RYR2: variants seen among roughly 807,000 people sequenced by gnomAD.
The protein encoded by RYR2 is cardiac muscle ryanodine receptor-calcium release channel.
A neutral mutation model predicts 601.1 loss-of-function variants in RYR2; 227 were observed. That is an observed-to-expected ratio of 0.38 (90% CI 0.34 to 0.42). The LOEUF (loss-of-function observed/expected upper bound fraction) is 0.42, where lower values mean the gene tolerates loss of function less well. Ranked by LOEUF, RYR2 falls within the 10% of genes least tolerant of loss-of-function variation. The pLI is 1.00. For missense variants in RYR2, 4,646 were observed against 6,156.5 expected (o/e 0.75, Z 8.21); for synonymous variants, 2,223 against 2,175.1 (o/e 1.02, Z -0.61).
At chr1:237,530,982 G>A (rs1486565302) in intron 25 of RYR2, among the ~76,000 whole-genome samples, 1 of 152,074 alleles carries the variant, frequency 6.6e-6, no homozygotes, top group Non-Finnish European at 1.5e-5. Context: ...AGTATCTGGT[G>A]AAACAATAGT....
chr1:237,298,925 A>G (rs1445008586), intron 2 of RYR2, among the ~76,000 whole-genome samples: 1 of 152,124 alleles, frequency 6.6e-6, no homozygotes, highest in East Asian at 1.9e-4. Flanking sequence ...CCTTGAGCCC[A>G]GGAATTTGAA....
At chr1:237,057,089 G>A (rs1359444772) in intron 1 of RYR2, among the ~76,000 whole-genome samples, 1 of 152,186 alleles carries the variant, frequency 6.6e-6, no homozygotes, top group Non-Finnish European at 1.5e-5. Context: ...CAGATTGGAG[G>A]CCACTGGTGT....
chr1:237,531,680 C>G (rs1668152742), intron 25 of RYR2, among the ~76,000 whole-genome samples: 1 of 152,124 alleles, frequency 6.6e-6, no homozygotes, highest in Non-Finnish European at 1.5e-5. Context: ...CTCAGGTGCT[C>G]CATAAGTGAG....
intron 101 of RYR2, among the ~76,000 whole-genome samples, chr1:237,822,616 A>T (rs1662638920): frequency 6.6e-6 from 1 of 152,218 alleles, no homozygotes; most frequent in Non-Finnish European, 1.5e-5. Context: ...AAGAAACTGC[A>T]TCAACTAATG....
Position 237,493,013 on chromosome 1 carries a change from G to A in RYR2, c.1887G>A (p.Gln629=), listed in dbSNP as rs1414244283. 2 of 1,611,874 alleles carry A rather than the reference G, an allele frequency of 1.2e-6. No homozygotes were observed. Among genetic ancestry groups the A allele is most frequent in the Admixed American group, 1.7e-5 (1 of 59,730 alleles). ...ACGGGGTTGCAGTCCGTTCTAACCA[G>A]CATCTCATCTGTGACAATCTCCTAC... is the stretch of plus-strand genomic sequence containing the variant. ...VCHGVAVRSN[Q]HLICDNLLPG... is the part of the protein sequence containing the mutation. Residue 629 remains glutamine (Q), a synonymous_variant, in exon 19 of 105, where the codon CAG becomes CAA. Coordinates refer to ENST00000366574, the MANE Select transcript of RYR2 (RefSeq NM_001035.3).
At chr1:237,359,781 A>T (rs998090889) in intron 4 of RYR2, among the ~76,000 whole-genome samples, 1 of 152,112 alleles carries the variant, frequency 6.6e-6, no homozygotes, top group Non-Finnish European at 1.5e-5. Context: ...TGCTCTTTAC[A>T]CTTTAAAAGA....
At chr1:237,617,185 GAA>G in intron 37 of RYR2, 99 bp from the exon 38 acceptor site, 1 of 1,072,150 alleles carries the variant, frequency 9.3e-7, no homozygotes, top group Non-Finnish European at 1.3e-6. Context: ...TTCTAAGAGA[GAA>G]GAGTAGGCAA....
chr1:237,724,105 T>C (rs916831241), intron 74 of RYR2, among the ~76,000 whole-genome samples: 1 of 151,118 alleles, frequency 6.6e-6, no homozygotes, highest in African/African-American at 2.4e-5. Context: ...GACTTGGTTA[T>C]TTTATACTAA....
At chr1:237,478,214 AG>A (rs1485700339) in intron 17 of RYR2, among the ~76,000 whole-genome samples, 22 of 152,224 alleles carry the variant, frequency 1.4e-4, no homozygotes, top group African/African-American at 5.1e-4. Context: ...TGCTATGTTT[AG>A]GAGAAGCAGA....
intron 79 of RYR2, among the ~76,000 whole-genome samples, chr1:237,734,983 A>G (rs1339721929): frequency 1.8e-4 from 28 of 152,180 alleles, no homozygotes. Flanking sequence ...CCTAGCCTGT[A>G]AGGACACAGA....
At chr1:237,256,222 C>T (rs558519749) in intron 1 of RYR2, among the ~76,000 whole-genome samples, 12 of 152,198 alleles carry the variant, frequency 7.9e-5, no homozygotes, top group East Asian at 7.7e-4. Flanking sequence ...TCTTGCCTGC[C>T]GCCGTGTAAG....
Position 237,498,438 on chromosome 1 carries a change from A to T in RYR2, c.2203+1686A>T, listed in dbSNP as rs115774171. On this transcript the variant is annotated intron_variant, in intron 20 of 104. Coordinates refer to ENST00000366574, the MANE Select transcript of RYR2 (RefSeq NM_001035.3). Reference sequence around the variant, plus strand: ...AAATAGGGCTAAAGTCCATGTTATAAAACATTTGAACTATAATCCTTTAGA... The same window carrying T: ...AAATAGGGCTAAAGTCCATGTTATATAACATTTGAACTATAATCCTTTAGA... Among the ~76,000 whole-genome samples the T allele has an allele frequency of 2.6e-3, 399 of 152,250 alleles. 1 individual carries two copies. The highest frequency in any genetic ancestry group is 9.1e-3 in the African/African-American group (378 of 41,536).
intron 1 of RYR2, among the ~76,000 whole-genome samples, chr1:237,118,233 T>C (rs1381760201): frequency 1.3e-5 from 2 of 152,094 alleles, no homozygotes; most frequent in African/African-American, 4.8e-5. Context: ...GAATTGGAGT[T>C]TTTCAGGTAC....
rs139711243 is a variant in RYR2, at chr1:237,415,955, G to A, written c.774-1094G>A. On this transcript the variant is annotated intron_variant, in intron 10 of 104. Coordinates refer to ENST00000366574, the MANE Select transcript of RYR2 (RefSeq NM_001035.3). ...TTGATGTCTTCTGCTAGGTGTATGC[G>A]GATTTATTTTAATATTCTCTTTACG... Among the ~76,000 whole-genome samples, 870 of 152,110 alleles carry A rather than the reference G, an allele frequency of 5.7e-3. 10 individuals carry two copies. Among genetic ancestry groups the A allele is most frequent in the Non-Finnish European group, 9.6e-3 (651 of 67,992 alleles).
At chr1:237,511,237 C>T (rs75870187) in intron 23 of RYR2, among the ~76,000 whole-genome samples, 5,446 of 147,120 alleles carry the variant, frequency 0.037, 159 homozygotes, top group Middle Eastern at 0.11. Flanking sequence ...TTCTAATTCA[C>T]GGAGACAGAC....
At chr1:237,822,873 G>A (rs2102867545) in intron 101 of RYR2, among the ~76,000 whole-genome samples, 1 of 152,200 alleles carries the variant, frequency 6.6e-6, no homozygotes, top group South Asian at 2.1e-4. Flanking sequence ...AAACAAAAAA[G>A]CAGGGATTGC....
chr1:237,682,099 T>G (rs1484968906), intron 62 of RYR2, among the ~76,000 whole-genome samples: 1 of 152,192 alleles, frequency 6.6e-6, no homozygotes, highest in African/African-American at 2.4e-5. Flanking sequence ...AGTTTCAGCC[T>G]TACCCTTAGA....
intron 11 of RYR2, among the ~76,000 whole-genome samples, chr1:237,420,838 G>A (rs1217533445): frequency 1.3e-5 from 2 of 152,170 alleles, no homozygotes; most frequent in Non-Finnish European, 2.9e-5. Flanking sequence ...TTATTCAGAA[G>A]TGATTCATTA....
rs146594131 is a variant in RYR2 at position 237,410,357 on chromosome 1, G to T, written c.774-6692G>T. On this transcript the variant is annotated intron_variant, in intron 10 of 104. Coordinates refer to ENST00000366574, the MANE Select transcript of RYR2 (RefSeq NM_001035.3). ...AGATATGAATTCTAGATTTAGAAAT[G>T]TTATTCAAGATAGATAAGGTAAGAC... Among the ~76,000 whole-genome samples the T allele has an allele frequency of 8.5e-5, 13 of 152,208 alleles. No individual in the cohort carries two copies. In the East Asian group the frequency reaches 2.5e-3, roughly 29 times the overall value.
Sources: gnomAD v4.1 joint callset for allele counts (sites outside exome capture counted in the v4.1 genomes callset) on GRCh38, gnomAD v4.1.1 for gene constraint, MANE v1.5 for transcripts, NCBI Gene and HGNC (gene_info 2026-07-23, HGNC 2026-07-21) for gene names.